DPP4: variants seen among roughly 807,000 people sequenced by gnomAD.
The protein encoded by DPP4 is ADCP-2.
A neutral mutation model predicts 122.4 loss-of-function variants in DPP4; 93 were observed. The ratio of observed to expected loss-of-function variants is 0.76; its 90% CI spans 0.64 to 0.90. The LOEUF (loss-of-function observed/expected upper bound fraction) is 0.90, where lower values mean the gene tolerates loss of function less well. Among genes scored for constraint, DPP4 ranks in the 40% least tolerant of loss-of-function variants. The pLI is 0.00. For missense variants in DPP4, 914 were observed against 907.3 expected (o/e 1.01, Z -0.09); for synonymous variants, 321 against 302.9 (o/e 1.06, Z -0.62).
chr2:161,997,767 G>T (rs557245152), intron 23 of DPP4, among the ~76,000 whole-genome samples: 1 of 152,084 alleles, frequency 6.6e-6, no homozygotes. Flanking sequence ...TGCAATATTT[G>T]CGTAAAATAG....
chr2:162,032,150 C>T (rs1215030553), intron 10 of DPP4: 15 of 152,176 alleles, frequency 9.9e-5, no homozygotes. Context: ...GCTGTAATCA[C>T]ACAGAGGGAG....
chr2:162,010,194 T>C lies in DPP4; in HGVS notation c.1833-899A>G, dbSNP rs374532345. ...TTTGTAAAATTGAAGGAGGCAGACA[T>C]ACAGCAATGTGCAACAGATCATTCA... On this transcript the variant is annotated intron_variant, in intron 20 of 25. Transcript: ENST00000360534. 2.0e-5 allele frequency among the ~76,000 whole-genome samples: 3 copies of C among 152,194 alleles called. No individual in the cohort carries two copies. The South Asian group carries it at 6.2e-4, about 31-fold the overall frequency.
At chr2:162,030,956 T>G (rs191247255) in intron 10 of DPP4, among the ~76,000 whole-genome samples, 2 of 152,344 alleles carry the variant, frequency 1.3e-5, no homozygotes, top group East Asian at 1.9e-4. Flanking sequence ...AATTGCTTGT[T>G]TCTTGAGCCC....
intron 2 of DPP4, among the ~76,000 whole-genome samples, chr2:162,053,866 G>A (rs1447302982): frequency 6.6e-6 from 1 of 152,232 alleles, no homozygotes; most frequent in East Asian, 1.9e-4. Flanking sequence ...CTACTGCAGA[G>A]TCCCAGCTAG....
chr2:162,034,637 G>A lies in DPP4; in HGVS notation c.774+527C>T, dbSNP rs150636626. 2.6e-4 allele frequency among the ~76,000 whole-genome samples: 39 copies of A among 152,166 alleles called. No individual in the cohort carries two copies. In the East Asian group the frequency reaches 3.3e-3, roughly 13 times the overall value. On this transcript the variant is annotated intron_variant, in intron 9 of 25. Transcript: ENST00000360534. Reference sequence around the variant, plus strand: ...AAAGCTCCTCAATTTTAGTAAACACGCAACCCTGACGAGGAGAACAGCTTT... The same window carrying A: ...AAAGCTCCTCAATTTTAGTAAACACACAACCCTGACGAGGAGAACAGCTTT...
intron 2 of DPP4, among the ~76,000 whole-genome samples, chr2:162,057,458 A>T (rs1576070355): frequency 6.6e-6 from 1 of 152,210 alleles, no homozygotes; most frequent in East Asian, 1.9e-4. Context: ...AATAGGAGAA[A>T]ATAGAGAAAA....
intron 2 of DPP4, among the ~76,000 whole-genome samples, chr2:162,070,696 G>C (rs531874438): frequency 6.6e-6 from 1 of 152,254 alleles, no homozygotes; most frequent in South Asian, 2.1e-4. Flanking sequence ...TGTAAGGAAT[G>C]CTGACCTTTA....
intron 10 of DPP4, among the ~76,000 whole-genome samples, chr2:162,025,953 C>G (rs1389505342): frequency 1.3e-5 from 2 of 152,136 alleles, no homozygotes; most frequent in African/African-American, 4.8e-5. Flanking sequence ...ACTGCAAGCT[C>G]TTTTACAGGG....
At chr2:162,071,447 T>C (rs1576078721) in intron 2 of DPP4, among the ~76,000 whole-genome samples, 2 of 151,962 alleles carry the variant, frequency 1.3e-5, no homozygotes, top group East Asian at 3.9e-4. Flanking sequence ...ATAAAGACCA[T>C]CCTGGCCAAC....
chr2:162,008,531 T>TA, intron 22 of DPP4, 31 bp downstream of exon 22: 1 of 1,584,166 alleles, frequency 6.3e-7, no homozygotes, highest in East Asian at 2.2e-5. Context: ...CAACACTCCG[T>TA]ATCTCTTTGT....
At chr2:161,997,278 A>G (rs957967044) in intron 23 of DPP4, among the ~76,000 whole-genome samples, 1 of 152,188 alleles carries the variant, frequency 6.6e-6, no homozygotes, top group Admixed American at 6.5e-5. Context: ...GTCTGGTAAG[A>G]TGTCTCAGAT....
Position 162,048,928 on chromosome 2 carries a change from CAA to C in DPP4, c.95-1429_95-1428del, listed in dbSNP as rs1684285391. The stretch of plus-strand genomic sequence containing the variant: ...TTCAATTCCACAGTAGGCACACACT[CAA>C]AGAGTTTTTATTGGTTAATGTAGGA... On this transcript the variant is annotated intron_variant, in intron 2 of 25. Transcript: ENST00000360534. 2.0e-5 allele frequency among the ~76,000 whole-genome samples: 3 copies of C among 152,182 alleles called. No homozygotes were observed. In the South Asian group the frequency reaches 6.2e-4, roughly 31 times the overall value.
chr2:161,999,102 A>AT (rs986266130), intron 23 of DPP4, among the ~76,000 whole-genome samples: 8 of 151,838 alleles, frequency 5.3e-5, no homozygotes, highest in African/African-American at 9.7e-5. Context: ...TACACAGAAC[A>AT]TTTTTTTCCC....
At chr2:162,033,893 T>TATATATATATACAC (rs1491588211) in intron 9 of DPP4, among the ~76,000 whole-genome samples, 2 of 138,584 alleles carry the variant, frequency 1.4e-5, no homozygotes, top group African/African-American at 5.5e-5. Flanking sequence ...TATATATATA[T>TATATATATATACAC]ACACACTATA....
chr2:162,004,872 G>A (rs1191362338), intron 23 of DPP4, among the ~76,000 whole-genome samples: 1 of 152,132 alleles, frequency 6.6e-6, no homozygotes, highest in Non-Finnish European at 1.5e-5. Context: ...TTAATTCACT[G>A]TCTTGTGAAG....
chr2:161,995,096 G>C (rs112547097), intron 24 of DPP4, 62 bp from the exon 25 acceptor site: 8 of 1,558,342 alleles, frequency 5.1e-6, no homozygotes, highest in Non-Finnish European at 7.1e-6. Context: ...TGGTACCAAG[G>C]GGTGGGAAAG....
At chr2:162,022,653 C>A in intron 12 of DPP4, 102 bp downstream of exon 12, 1 of 1,059,092 alleles carries the variant, frequency 9.4e-7, no homozygotes, top group Admixed American at 1.8e-5. Flanking sequence ...ACTAATATTG[C>A]TATTAATAAC....
intron 19 of DPP4, among the ~76,000 whole-genome samples, chr2:162,012,804 A>G (rs1282448303): frequency 6.6e-6 from 1 of 152,042 alleles, no homozygotes; most frequent in Non-Finnish European, 1.5e-5. Context: ...ATACTCTCCA[A>G]TAACTTATTC....
chr2:162,036,357 T>C (rs1683768917), intron 8 of DPP4, among the ~76,000 whole-genome samples: 1 of 152,314 alleles, frequency 6.6e-6, no homozygotes, highest in Non-Finnish European at 1.5e-5. Context: ...AATGTAATAA[T>C]AATTATTGTG....
Sources: gnomAD v4.1 joint callset for allele counts (sites outside exome capture counted in the v4.1 genomes callset) on GRCh38, gnomAD v4.1.1 for gene constraint, MANE v1.5 for transcripts, NCBI Gene and HGNC (gene_info 2026-07-23, HGNC 2026-07-21) for gene names.